The following CRYBB1 variants were observed in gnomAD, a reference collection of about 807,000 sequenced individuals.
CRYBB1 encodes the protein beta-crystallin B1.
A neutral mutation model predicts 29.5 loss-of-function variants in CRYBB1; 16 were observed. That is an observed-to-expected ratio of 0.54 (90% CI 0.37 to 0.82). CRYBB1 has a LOEUF of 0.82. CRYBB1 is among the 40% of genes least tolerant of loss of function. CRYBB1 has a pLI of 0.00. For missense variants in CRYBB1, 300 were observed against 350.5 expected (o/e 0.86, Z 1.15); for synonymous variants, 127 against 136.7 (o/e 0.93, Z 0.49).
intron 1 of CRYBB1, among the ~76,000 whole-genome samples, chr22:26,616,731 G>T (rs1929368778): frequency 6.6e-6 from 1 of 152,178 alleles, no homozygotes; most frequent in South Asian, 2.1e-4. Flanking sequence ...GGTGTGCCAG[G>T]CACTGTGACA....
At chr22:26,617,672 T>C (rs1228069048) in intron 1 of CRYBB1, among the ~76,000 whole-genome samples, 2 of 152,130 alleles carry the variant, frequency 1.3e-5, no homozygotes, top group African/African-American at 4.8e-5. Flanking sequence ...TCTTTCTGCC[T>C]ATCTGCCTGT....
chr22:26,603,687 C>T (rs1313598015), intron 4 of CRYBB1, among the ~76,000 whole-genome samples: 1 of 151,848 alleles, frequency 6.6e-6, no homozygotes. Flanking sequence ...GGTGGGATCA[C>T]AAGGTCAGGA....
At chr22:26,611,850 AT>A (rs2145968554) in intron 3 of CRYBB1, among the ~76,000 whole-genome samples, 1 of 152,248 alleles carries the variant, frequency 6.6e-6, no homozygotes, top group East Asian at 1.9e-4. Flanking sequence ...GTGTGATCTT[AT>A]GCTAATTGGA....
At chr22:26,601,479 C>G (rs1682955513) in intron 5 of CRYBB1, among the ~76,000 whole-genome samples, 2 of 151,804 alleles carry the variant, frequency 1.3e-5, no homozygotes, top group Admixed American at 1.3e-4. Flanking sequence ...GATGCAAATT[C>G]ACTGCTCAGA....
intron 3 of CRYBB1, among the ~76,000 whole-genome samples, chr22:26,608,943 C>A (rs977434867): frequency 1.3e-5 from 2 of 152,118 alleles, no homozygotes; most frequent in African/African-American, 4.8e-5. Context: ...ATTTTCCTGG[C>A]TTTCCCAGTG....
intron 5 of CRYBB1, among the ~76,000 whole-genome samples, chr22:26,600,385 G>A (rs1335418586): frequency 6.6e-6 from 1 of 151,978 alleles, no homozygotes; most frequent in Non-Finnish European, 1.5e-5. Context: ...CTGAGGGACA[G>A]AGCGAGACTC....
chr22:26,611,193 AC>A (rs1462132321), intron 3 of CRYBB1, among the ~76,000 whole-genome samples: 1 of 152,152 alleles, frequency 6.6e-6, no homozygotes, highest in South Asian at 2.1e-4. Context: ...TGTGCCACTT[AC>A]CAATAGGTGA....
intron 4 of CRYBB1, 106 bp from the exon 5 acceptor site, chr22:26,602,127 G>T: frequency 7.1e-7 from 1 of 1,412,002 alleles, no homozygotes; most frequent in Non-Finnish European, 9.8e-7. Context: ...AGCCTGTTCA[G>T]GCTGCTGGGG....
rs976658159 is a variant in CRYBB1, at chr22:26,601,590, T to C, written c.575+289A>G. Among the ~76,000 whole-genome samples, 9 of 140,824 alleles carry C rather than the reference T, an allele frequency of 6.4e-5. 1 individual carries two copies. The highest frequency in any genetic ancestry group is 5.0e-4 in the Admixed American group (7 of 13,890). 92.4% of individuals were successfully genotyped at this position (140,824 alleles called of 152,430 possible). ...CTATCCACATCAGCGCCGGCCCTTT[T>C]AGTTGATTACTCCTTCAACCCCAAC... On this transcript the variant is annotated intron_variant, in intron 5 of 5. Transcript: ENST00000647684.
Position 26,616,220 on chromosome 22 carries a change from T to A in CRYBB1, c.100A>T (p.Ser34Cys). The A allele has an allele frequency of 6.2e-7, 1 of 1,614,066 alleles. No individual in the cohort carries two copies. Among genetic ancestry groups the A allele is most frequent in the Non-Finnish European group, 8.5e-7 (1 of 1,179,906 alleles). ...GTTGGGGCCAGGGTAGTGCCGGGAC[T>A]AGGGGATGTTCCTGCAGGTGGGGCC... ...KGAPPAGTSP[S>C]PGTTLAPTTV... Residue 34 changes from serine (S) to cysteine (C), a missense_variant, in exon 2 of 6, where the codon AGT becomes TGT. Physicochemically the swap from Ser to Cys is moderately radical, Grantham distance 112. Coordinates refer to ENST00000647684, the MANE Select transcript of CRYBB1 (RefSeq NM_001887.4).
chr22:26,611,720 C>T (rs1299656900), intron 3 of CRYBB1, among the ~76,000 whole-genome samples: 3 of 152,070 alleles, frequency 2.0e-5, no homozygotes, highest in East Asian at 3.9e-4. Flanking sequence ...GTGATCCACC[C>T]GCCTCGGCCT....
At chr22:26,604,285 T>C (rs1481060182) in intron 4 of CRYBB1, among the ~76,000 whole-genome samples, 1 of 152,246 alleles carries the variant, frequency 6.6e-6, no homozygotes, top group Middle Eastern at 3.2e-3. Flanking sequence ...AAATGCATGT[T>C]ATCATAGCCT....
chr22:26,608,969 C>A (rs2145965397), intron 3 of CRYBB1, among the ~76,000 whole-genome samples: 1 of 152,234 alleles, frequency 6.6e-6, no homozygotes, highest in African/African-American at 2.4e-5. Flanking sequence ...TGATTAAGGA[C>A]AAGAAGTGAG....
chr22:26,606,500 C>T (rs1008887670), intron 4 of CRYBB1, among the ~76,000 whole-genome samples: 9 of 152,184 alleles, frequency 5.9e-5, no homozygotes, highest in Non-Finnish European at 1.2e-4. Flanking sequence ...TAGCAAGCTT[C>T]TAGAAGCTAC....
At chr22:26,613,059 G>T (rs529158019) in intron 2 of CRYBB1, among the ~76,000 whole-genome samples, 1 of 152,156 alleles carries the variant, frequency 6.6e-6, no homozygotes, top group Non-Finnish European at 1.5e-5. Flanking sequence ...AGGGCCTGAG[G>T]TTGATCAATT....
Position 26,616,127 on chromosome 22 carries a change from C to T in CRYBB1, c.180+13G>A. 6.2e-7 allele frequency: 1 copy of T among 1,612,628 alleles called. No homozygotes were observed. Among genetic ancestry groups the T allele is most frequent in the Non-Finnish European group, 8.5e-7 (1 of 1,178,602 alleles). ...AGGCATGGCACCCAGCCACTGCACC[C>T]CCAGGTCCTTACCCTGTAGTTCCCA... On this transcript the variant is annotated intron_variant, in intron 2 of 5. Transcript: ENST00000647684.
intron 4 of CRYBB1, among the ~76,000 whole-genome samples, chr22:26,602,313 A>G (rs1428964551): frequency 6.6e-6 from 1 of 152,126 alleles, no homozygotes; most frequent in Admixed American, 6.5e-5. Flanking sequence ...GCCGGGTGCC[A>G]TGGCTCATGT....
At chr22:26,610,225 G>A (rs2267103) in intron 3 of CRYBB1, among the ~76,000 whole-genome samples, 38,411 of 152,132 alleles carry the variant, frequency 0.25, 5,189 homozygotes, top group Non-Finnish European at 0.3. Flanking sequence ...CTGAGGCTAA[G>A]AGGGGTTAAG....
At position 26,612,055 on chromosome 22, in the gene CRYBB1, C is replaced by G. The variant is rs116534812; in HGVS notation, c.299+17G>C. 1 of 1,571,270 alleles carries G rather than the reference C, an allele frequency of 6.4e-7. No individual in the cohort carries two copies. Among genetic ancestry groups the G allele is most frequent in the East Asian group, 2.2e-5 (1 of 44,672 alleles). ...TACTGTGGCAGAGAGTGTGCCCCTC[C>G]GCCGCCCAGTACTCACGGTCCCGCG... is the stretch of plus-strand genomic sequence containing the variant. On this transcript the variant is annotated intron_variant, in intron 3 of 5. Coordinates refer to ENST00000647684, the MANE Select transcript of CRYBB1 (RefSeq NM_001887.4).
Sources: allele counts gnomAD v4.1 joint callset (sites outside exome capture counted in the v4.1 genomes callset), GRCh38; gene constraint gnomAD v4.1.1; transcripts MANE v1.5; gene names NCBI Gene and HGNC (gene_info 2026-07-23, HGNC 2026-07-21).